The following GABRG1 variants were observed in gnomAD, a reference collection of about 807,000 sequenced individuals.
GABRG1 encodes the protein gamma-aminobutyric acid type A receptor subunit gamma1.
In GABRG1, 49 loss-of-function variants were observed where a neutral mutation model predicts 49.8. The observed-to-expected ratio is 0.98, with a 90% CI of 0.78 to 1.25. The LOEUF (loss-of-function observed/expected upper bound fraction) is 1.25. Ranked by LOEUF, GABRG1 falls within the 50% of genes most tolerant of loss-of-function variation. The probability of loss-of-function intolerance (pLI) is 0.00; values close to 1 mark genes in which losing one functional copy is unlikely to be tolerated. For missense variants in GABRG1, 552 were observed against 552.3 expected (o/e 1.00, Z 0.01); for synonymous variants, 232 against 185.1 (o/e 1.25, Z -2.06).
intron 8 of GABRG1, among the ~76,000 whole-genome samples, chr4:46,049,864 C>T (rs1013396332): frequency 5.3e-5 from 8 of 151,822 alleles, no homozygotes; most frequent in South Asian, 2.1e-4. Context: ...TTGTGTCCTT[C>T]GATAATATAA....
chr4:46,041,819 T>C (rs950444626), intron 8 of GABRG1, among the ~76,000 whole-genome samples: 2 of 151,982 alleles, frequency 1.3e-5, no homozygotes, highest in African/African-American at 4.8e-5. Flanking sequence ...CAAATTCTGC[T>C]CATTCTACCA....
At chr4:46,074,847 G>T (rs938379250) in intron 3 of GABRG1, among the ~76,000 whole-genome samples, 7 of 151,996 alleles carry the variant, frequency 4.6e-5, no homozygotes, top group African/African-American at 1.7e-4. Context: ...TATATCCAAA[G>T]TATGCATTAC....
intron 3 of GABRG1, among the ~76,000 whole-genome samples, chr4:46,080,845 C>T (rs1044011210): frequency 6.6e-6 from 1 of 151,788 alleles, no homozygotes; most frequent in African/African-American, 2.4e-5. Flanking sequence ...GCATTGGTTA[C>T]TTAGAAACTA....
chr4:46,100,625 T>G (rs1720347776), intron 1 of GABRG1, among the ~76,000 whole-genome samples: 1 of 150,386 alleles, frequency 6.6e-6, no homozygotes. Flanking sequence ...GAATGAAGTA[T>G]CTGGTGGGTA....
At chr4:46,046,364 TG>T (rs1717999270) in intron 8 of GABRG1, among the ~76,000 whole-genome samples, 1 of 152,032 alleles carries the variant, frequency 6.6e-6, no homozygotes, top group African/African-American at 2.4e-5. Context: ...ATATGGCCAT[TG>T]TCACAACTGG....
intron 2 of GABRG1, among the ~76,000 whole-genome samples, chr4:46,096,498 T>C (rs1720167854): frequency 6.6e-6 from 1 of 151,662 alleles, no homozygotes; most frequent in Non-Finnish European, 1.5e-5. Context: ...GATGCCAGGG[T>C]TGAGCACAAA....
At chr4:46,045,785 T>C (rs1717972115) in intron 8 of GABRG1, among the ~76,000 whole-genome samples, 1 of 152,014 alleles carries the variant, frequency 6.6e-6, no homozygotes, top group Non-Finnish European at 1.5e-5. Flanking sequence ...CAGGATGGAC[T>C]CAATCTCCTG....
chr4:46,043,615 A>G (rs995864723), intron 8 of GABRG1, among the ~76,000 whole-genome samples: 2 of 152,006 alleles, frequency 1.3e-5, no homozygotes, highest in Non-Finnish European at 2.9e-5. Flanking sequence ...CCCATCTTTT[A>G]GTTTCTCAAG....
intron 8 of GABRG1, among the ~76,000 whole-genome samples, chr4:46,049,572 C>T (rs1451288294): frequency 6.6e-6 from 1 of 151,870 alleles, no homozygotes; most frequent in African/African-American, 2.4e-5. Context: ...ATTTAATTTT[C>T]GTTCTTTACC....
chr4:46,093,087 A>AAT (rs1228368508), intron 2 of GABRG1, among the ~76,000 whole-genome samples: 1 of 150,402 alleles, frequency 6.6e-6, no homozygotes, highest in African/African-American at 2.4e-5. Context: ...AAAAAAAAAA[A>AAT]GTCAAATCAT....
At chr4:46,046,950 A>T (rs1377024373) in intron 8 of GABRG1, among the ~76,000 whole-genome samples, 1 of 152,140 alleles carries the variant, frequency 6.6e-6, no homozygotes. Context: ...AAGATTTTGC[A>T]CAACCTGGCC....
chr4:46,050,263 C>G (rs977194974), intron 8 of GABRG1, among the ~76,000 whole-genome samples: 27 of 151,894 alleles, frequency 1.8e-4, no homozygotes, highest in Admixed American at 1.6e-3. Context: ...ATTTGTACTG[C>G]TAGCAATGTG....
intron 1 of GABRG1, among the ~76,000 whole-genome samples, chr4:46,098,891 C>A (rs771139882): frequency 6.6e-6 from 1 of 151,454 alleles, no homozygotes; most frequent in Admixed American, 6.6e-5. Flanking sequence ...ATTCACATTG[C>A]CCTCTATTTT....
Position 46,036,151 on chromosome 4 carries a change from A to G in GABRG1, c.*4837T>C, listed in dbSNP as rs1444491067. On this transcript the variant is annotated 3_prime_UTR_variant, in exon 9 of 9. Transcript: ENST00000295452. ...GGGTCCAGGTATGTTTCATTGTCCA[A>G]CAATAACAATTCTTTTATTTATTCT... 1 of 151,942 alleles carries G rather than the reference A, an allele frequency of 6.6e-6. No homozygotes were observed. Among genetic ancestry groups the G allele is most frequent in the Non-Finnish European group, 1.5e-5 (1 of 67,876 alleles). The allele number at this position is 151,942 out of a possible 1,614,324, so 9.4% of individuals were successfully genotyped here.
chr4:46,092,720 T>C (rs1720032987), intron 2 of GABRG1, among the ~76,000 whole-genome samples: 1 of 151,714 alleles, frequency 6.6e-6, no homozygotes, highest in African/African-American at 2.4e-5. Context: ...AATTACTTAA[T>C]GAAGGACACA....
chr4:46,072,433 G>A (rs1719165606), intron 3 of GABRG1, among the ~76,000 whole-genome samples: 1 of 152,042 alleles, frequency 6.6e-6, no homozygotes, highest in Non-Finnish European at 1.5e-5. Flanking sequence ...CCCATGGATT[G>A]AGAACGCTTT....
chr4:46,060,196 A>C (rs1256627142), intron 5 of GABRG1, among the ~76,000 whole-genome samples: 2 of 151,984 alleles, frequency 1.3e-5, no homozygotes, highest in Admixed American at 6.6e-5. Flanking sequence ...TCTCAAGAAG[A>C]ATCATCTCAC....
At chr4:46,044,124 C>A (rs952823890) in intron 8 of GABRG1, among the ~76,000 whole-genome samples, 2 of 151,994 alleles carry the variant, frequency 1.3e-5, no homozygotes, top group Admixed American at 6.6e-5. Context: ...TTCACAAAAT[C>A]CTGTTTAAGT....
chr4:46,084,957 G>T (rs1176286220), intron 2 of GABRG1, among the ~76,000 whole-genome samples: 1 of 151,498 alleles, frequency 6.6e-6, no homozygotes, highest in Non-Finnish European at 1.5e-5. Context: ...TAGATTTACA[G>T]AATGATTTTC....
Sources: gnomAD v4.1 joint callset for allele counts (sites outside exome capture counted in the v4.1 genomes callset) on GRCh38, gnomAD v4.1.1 for gene constraint, MANE v1.5 for transcripts, NCBI Gene and HGNC (gene_info 2026-07-23, HGNC 2026-07-21) for gene names.